The following KLHL1 variants were observed in gnomAD, a reference collection of about 807,000 sequenced individuals.
KLHL1 encodes kelch-like protein 1.
A neutral mutation model predicts 77.7 loss-of-function variants in KLHL1; 47 were observed. The ratio of observed to expected loss-of-function variants is 0.60; its 90% CI spans 0.48 to 0.77. KLHL1 has a LOEUF of 0.77. Ranked by LOEUF, KLHL1 falls within the 30% of genes least tolerant of loss-of-function variation. The pLI is 0.00. For missense variants in KLHL1, 925 were observed against 910.8 expected (o/e 1.02, Z -0.20); for synonymous variants, 360 against 325.2 (o/e 1.11, Z -1.15).
chr13:69,709,495 T>C (rs1875780127), intron 9 of KLHL1, among the ~76,000 whole-genome samples: 1 of 151,998 alleles, frequency 6.6e-6, no homozygotes, highest in African/African-American at 2.4e-5. Flanking sequence ...TAACAAAATA[T>C]AGTGAGTAGG....
At chr13:69,720,603 T>A (rs1283817224) in intron 8 of KLHL1, among the ~76,000 whole-genome samples, 3 of 151,770 alleles carry the variant, frequency 2.0e-5, no homozygotes, top group Non-Finnish European at 4.4e-5. Context: ...ATGCAACTGG[T>A]GAGGGTAGAG....
intron 4 of KLHL1, 106 bp downstream of exon 4, chr13:69,939,934 A>C: frequency 1.3e-6 from 1 of 790,804 alleles, no homozygotes; most frequent in Non-Finnish European, 1.9e-6. Context: ...CAAGCATAGA[A>C]AACTCATTTT....
chr13:69,754,646 T>A (rs1025278967), intron 7 of KLHL1, among the ~76,000 whole-genome samples: 21 of 152,194 alleles, frequency 1.4e-4, no homozygotes, highest in Non-Finnish European at 1.6e-4. Flanking sequence ...ATTCTTCATA[T>A]TGCCACTAGA....
intron 1 of KLHL1, among the ~76,000 whole-genome samples, chr13:70,022,939 C>T (rs1442127927): frequency 6.6e-6 from 1 of 151,786 alleles, no homozygotes; most frequent in African/African-American, 2.4e-5. Flanking sequence ...TTGCAAAGCC[C>T]AGAACTATAT....
intron 3 of KLHL1, among the ~76,000 whole-genome samples, chr13:69,947,805 C>T (rs967675970): frequency 3.3e-5 from 5 of 152,118 alleles, no homozygotes; most frequent in South Asian, 2.1e-4. Flanking sequence ...CTGTATTTCT[C>T]GGCCAGACCT....
At chr13:69,925,764 A>C (rs1358891043) in intron 4 of KLHL1, among the ~76,000 whole-genome samples, 1 of 152,148 alleles carries the variant, frequency 6.6e-6, no homozygotes, top group Non-Finnish European at 1.5e-5. Flanking sequence ...TTTTGTAGTG[A>C]CTTTAGTCTC....
At chr13:69,797,330 G>T in intron 6 of KLHL1, among the ~76,000 whole-genome samples, 1 of 152,126 alleles carries the variant, frequency 6.6e-6, no homozygotes, top group Non-Finnish European at 1.5e-5. Flanking sequence ...AAATATTTAT[G>T]AAAGCCCTTT....
chr13:69,876,206 T>G (rs1880757302), intron 5 of KLHL1, among the ~76,000 whole-genome samples: 1 of 152,218 alleles, frequency 6.6e-6, no homozygotes, highest in South Asian at 2.1e-4. Flanking sequence ...ATCTGCTCTG[T>G]ATATTTTCCA....
chr13:69,787,818 C>G (rs556674612), intron 7 of KLHL1, among the ~76,000 whole-genome samples: 1 of 141,110 alleles, frequency 7.1e-6, no homozygotes, highest in African/African-American at 2.7e-5. Context: ...AAGAAAAAAA[C>G]AAACAACCCC....
Position 69,979,027 on chromosome 13 carries a change from AC to A in KLHL1, c.498-3226del, listed in dbSNP as rs1431057786. Among the ~76,000 whole-genome samples, 3 of 152,044 alleles carry A rather than the reference AC, an allele frequency of 2.0e-5. No individual in the cohort carries two copies. The East Asian group carries it at 5.8e-4, about 29-fold the overall frequency. ...AGAGTTATTCAAAGTCAAAAAGTTA[AC>A]TACTGTCAAGATAGTACCTTCTTTT... On this transcript the variant is annotated intron_variant, in intron 1 of 10. Coordinates refer to ENST00000377844, the MANE Select transcript of KLHL1 (RefSeq NM_020866.3).
chr13:70,057,620 C>A (rs1368329327), intron 1 of KLHL1, among the ~76,000 whole-genome samples: 33 of 149,092 alleles, frequency 2.2e-4, no homozygotes, highest in African/African-American at 8.1e-4. Context: ...ACTAAAAATA[C>A]AAAAAATTAG....
At chr13:69,870,684 G>C (rs1880547718) in intron 5 of KLHL1, among the ~76,000 whole-genome samples, 2 of 151,630 alleles carry the variant, frequency 1.3e-5, no homozygotes, top group Admixed American at 1.3e-4. Context: ...GCAAGCATCG[G>C]GTAAACATTC....
chr13:69,981,248 T>C, intron 1 of KLHL1, among the ~76,000 whole-genome samples: 1 of 152,050 alleles, frequency 6.6e-6, no homozygotes, highest in East Asian at 1.9e-4. Flanking sequence ...ATATAGTAAA[T>C]AAAATACATT....
chr13:69,796,643 A>C (rs1877118271), intron 7 of KLHL1, 95 bp downstream of exon 7: 2 of 964,524 alleles, frequency 2.1e-6, no homozygotes. Context: ...CGCAACACAA[A>C]TTTACTAAGA....
At chr13:69,771,944 T>C (rs960526265) in intron 7 of KLHL1, among the ~76,000 whole-genome samples, 2 of 151,778 alleles carry the variant, frequency 1.3e-5, no homozygotes, top group African/African-American at 2.4e-5. Flanking sequence ...ATAAATAGTA[T>C]AATAATAATA....
intron 7 of KLHL1, among the ~76,000 whole-genome samples, chr13:69,785,125 C>A (rs1376335448): frequency 6.6e-6 from 1 of 151,772 alleles, no homozygotes; most frequent in Non-Finnish European, 1.5e-5. Flanking sequence ...ATCTCCTGAC[C>A]TCGTGATCCG....
At chr13:69,934,962 GTATATATATA>G (rs67195697) in intron 4 of KLHL1, among the ~76,000 whole-genome samples, 1 of 129,814 alleles carries the variant, frequency 7.7e-6, no homozygotes, top group Non-Finnish European at 1.6e-5. Context: ...GTGTGCATGT[GTATATATATA>G]TATATATATA....
At position 69,939,340 on chromosome 13, in the gene KLHL1, C is replaced by CATATATATAT. The variant is rs34074889; in HGVS notation, c.1014+690_1014+699dup. Among the ~76,000 whole-genome samples, 283 of 60,680 alleles carry CATATATATAT rather than the reference C, an allele frequency of 4.7e-3. 5 individuals carry two copies. Among genetic ancestry groups the CATATATATAT allele is most frequent in the Middle Eastern group, 0.021 (2 of 94 alleles). 39.8% of individuals were successfully genotyped at this position (60,680 alleles called of 152,430 possible). The stretch of plus-strand genomic sequence containing the variant: ...ACACTCATATATATACATATACATA[C>CATATATATAT]ATATATATATATATATATATATATA... On this transcript the variant is annotated intron_variant, in intron 4 of 10. Transcript: ENST00000377844.
At chr13:69,724,706 G>A (rs1403335725) in intron 8 of KLHL1, among the ~76,000 whole-genome samples, 1 of 151,972 alleles carries the variant, frequency 6.6e-6, no homozygotes, top group Non-Finnish European at 1.5e-5. Flanking sequence ...CTTGATTAAA[G>A]CCATACATAC....
Sources: gnomAD v4.1 joint callset for allele counts (sites outside exome capture counted in the v4.1 genomes callset) on GRCh38, gnomAD v4.1.1 for gene constraint, MANE v1.5 for transcripts, NCBI Gene and HGNC (gene_info 2026-07-23, HGNC 2026-07-21) for gene names.